SLC6A15: variants seen among roughly 807,000 people sequenced by gnomAD.
SLC6A15 encodes the protein sodium-dependent neutral amino acid transporter B(0)AT2.
In SLC6A15, 33 loss-of-function variants were observed where a neutral mutation model predicts 68.5. That is an observed-to-expected ratio of 0.48 (90% CI 0.37 to 0.64). The LOEUF is 0.64. Among genes scored for constraint, SLC6A15 ranks in the 30% least tolerant of loss-of-function variants. SLC6A15 has a pLI of 0.00. For missense variants in SLC6A15, 747 were observed against 874.3 expected (o/e 0.85, Z 1.84); for synonymous variants, 347 against 301.0 (o/e 1.15, Z -1.58).
intron 1 of SLC6A15, among the ~76,000 whole-genome samples, chr12:84,905,964 T>C (rs1873129976): frequency 6.6e-6 from 1 of 152,226 alleles, no homozygotes; most frequent in Non-Finnish European, 1.5e-5. Context: ...TCCATACTTA[T>C]TTTTTGGTCA....
intron 4 of SLC6A15, 120 bp from the exon 5 acceptor site, chr12:84,884,160 T>G (rs903003681): frequency 4.2e-6 from 3 of 718,442 alleles, no homozygotes; most frequent in Non-Finnish European, 4.6e-6. Flanking sequence ...TACCATTGTA[T>G]AGCAGCATGT....
chr12:84,859,933 G>A lies in SLC6A15; in HGVS notation c.*1699C>T, dbSNP rs1289615433. The A allele has an allele frequency of 6.6e-6, 1 of 151,984 alleles. No individual in the cohort carries two copies. The highest frequency in any genetic ancestry group is 2.4e-5 in the African/African-American group (1 of 41,414). The allele number at this position is 151,984 out of a possible 1,614,324, so 9.4% of individuals were successfully genotyped here. ...TTGCCTTTAAAGATGGAGAATGGAT[G>A]GCCAGGAGAAATGTTGGATGAGAAC... On this transcript the variant is annotated 3_prime_UTR_variant, in exon 12 of 12. Coordinates refer to ENST00000266682, the MANE Select transcript of SLC6A15 (RefSeq NM_182767.6).
At chr12:84,882,461 A>C (rs1871864744) in intron 5 of SLC6A15, 1 of 952,358 alleles carries the variant, frequency 1.1e-6, no homozygotes, top group South Asian at 4.9e-5. Flanking sequence ...TCAGGAAGAT[A>C]AATGTAAAAT....
At position 84,891,995 on chromosome 12, in the gene SLC6A15, A is replaced by G. The variant is rs748317802; in HGVS notation, c.126T>C (p.Asp42=). Residue 42 remains aspartate, a synonymous_variant, in exon 2 of 12, where the codon GAT becomes GAC. Transcript: ENST00000266682. ...CATCTGTATCTTTCTCTTCCTGGCC[A>G]TCAACAATTAGTTCACTTGTCTTAA... ...DAFKTSELIV[D]GQEEKDTDVE... is the part of the protein sequence containing the mutation. 8 of 1,614,100 alleles carry G rather than the reference A, an allele frequency of 5.0e-6. No homozygotes were observed. The Admixed American group carries it at 1.0e-4, about 20-fold the overall frequency.
At chr12:84,886,294 T>C (rs1176709768) in intron 2 of SLC6A15, among the ~76,000 whole-genome samples, 2 of 152,118 alleles carry the variant, frequency 1.3e-5, no homozygotes, top group Admixed American at 1.3e-4. Flanking sequence ...AAATTAAGAA[T>C]ATTAATGAAT....
intron 2 of SLC6A15, among the ~76,000 whole-genome samples, chr12:84,888,098 G>GA (rs1565728252): frequency 1.2e-4 from 18 of 144,908 alleles, no homozygotes; most frequent in African/African-American, 4.4e-4. Context: ...AAAAAACAAA[G>GA]GAAAAAAAAA....
chr12:84,882,992 G>A lies in SLC6A15; in HGVS notation c.756+867C>T, dbSNP rs564846626. 18 of 982,346 alleles carry A rather than the reference G, an allele frequency of 1.8e-5. No individual in the cohort carries two copies. In the South Asian group the frequency reaches 7.1e-4, roughly 39 times the overall value. 60.9% of individuals were successfully genotyped at this position (982,346 alleles called of 1,614,324 possible). ...ACTATTGCCATTCCTGCTAGTATAT[G>A]ATGATGAGTGGTAATAAGTTAGCCT... On this transcript the variant is annotated intron_variant, in intron 5 of 11. Coordinates refer to ENST00000266682, the MANE Select transcript of SLC6A15 (RefSeq NM_182767.6).
intron 4 of SLC6A15, 138 bp from the exon 5 acceptor site, chr12:84,884,178 C>A: frequency 1.5e-6 from 1 of 669,060 alleles, no homozygotes. Context: ...TGTAAATTCA[C>A]AATGAACAAT....
chr12:84,873,103 C>T lies in SLC6A15; in HGVS notation c.1093G>A (p.Glu365Lys). Residue 365 changes from glutamate (E) to lysine (K), a missense_variant, in exon 7 of 12, where the codon GAG (glutamate) becomes AAG (lysine). Physicochemically the swap from Glu to Lys is moderately conservative, Grantham distance 56. Transcript: ENST00000266682. ...TATTCATACTGTGTAATGCATTTCT[C>T]ATTTATGACATTTGCTTTGAAGCCC... ...VLGFKANVIN[E>K]KCITQNSETI... 1 of 1,614,024 alleles carries T rather than the reference C, an allele frequency of 6.2e-7. No individual in the cohort carries two copies. The highest frequency in any genetic ancestry group is 1.1e-5 in the South Asian group (1 of 91,038).
intron 10 of SLC6A15, among the ~76,000 whole-genome samples, chr12:84,866,322 CA>C (rs1279906395): frequency 6.6e-6 from 1 of 152,130 alleles, no homozygotes; most frequent in Non-Finnish European, 1.5e-5. Context: ...ATTTCAAATA[CA>C]TACACTTTTC....
chr12:84,861,716 A>G lies in SLC6A15; in HGVS notation c.2109T>C (p.Thr703=). ...NIYRKQSGSP[T]LDTAPNGRYG... is the part of the protein sequence containing the mutation. ...ACCGTCCATTGGGAGCAGTATCCAG[A>G]GTTGGGGATCCACTCTGTTTTCGAT... Residue 703 remains threonine, a synonymous_variant, in exon 12 of 12, where the codon ACT becomes ACC. Coordinates refer to ENST00000266682, the MANE Select transcript of SLC6A15 (RefSeq NM_182767.6). The G allele has an allele frequency of 1.9e-6, 3 of 1,613,962 alleles. No homozygotes were observed. The highest frequency in any genetic ancestry group is 1.7e-6 in the Non-Finnish European group (2 of 1,179,912).
In SLC6A15 at chr12:84,892,202, T is replaced by A; in HGVS notation, c.-82A>T. The A allele has an allele frequency of 1.5e-6, 2 of 1,303,110 alleles. No homozygotes were observed. Among genetic ancestry groups the A allele is most frequent in the South Asian group, 3.0e-5 (2 of 67,186 alleles). 80.7% of individuals were successfully genotyped at this position (1,303,110 alleles called of 1,614,324 possible). ...GTTAACTCTATTTTTCAAAACAATG[T>A]TACTTGATAGGAAGTAAAGACCGAG... On this transcript the variant is annotated 5_prime_UTR_variant, in exon 2 of 12. Transcript: ENST00000266682.
chr12:84,874,220 G>A (rs1871414473), intron 6 of SLC6A15, among the ~76,000 whole-genome samples: 4 of 152,118 alleles, frequency 2.6e-5, no homozygotes, highest in Admixed American at 2.6e-4. Context: ...CTGCCATTTA[G>A]TAATTTTAAA....
intron 1 of SLC6A15, among the ~76,000 whole-genome samples, chr12:84,902,928 G>A (rs992986088): frequency 6.6e-6 from 1 of 151,928 alleles, no homozygotes; most frequent in East Asian, 1.9e-4. Context: ...TCTTCATTGT[G>A]GTAAGGGATA....
intron 1 of SLC6A15, among the ~76,000 whole-genome samples, chr12:84,908,333 C>T (rs1441024966): frequency 6.6e-6 from 1 of 151,764 alleles, no homozygotes; most frequent in African/African-American, 2.4e-5. Context: ...GAATCAAGTA[C>T]TAAATATGCT....
At position 84,861,545 on chromosome 12, in the gene SLC6A15, G is replaced by A. The variant is rs757774231; in HGVS notation, c.*87C>T. On this transcript the variant is annotated 3_prime_UTR_variant, in exon 12 of 12. Transcript: ENST00000266682. ...CACGGAACACCTGAGATTGCCCTCT[G>A]ATAAGTGAAGCCTAATGCTTCTCCT... The A allele has an allele frequency of 1.3e-5, 19 of 1,452,000 alleles. No homozygotes were observed. The highest frequency in any genetic ancestry group is 1.8e-5 in the Non-Finnish European group (19 of 1,077,170). The allele number at this position is 1,452,000 out of a possible 1,614,324, so 89.9% of individuals were successfully genotyped here. A position where few individuals can be genotyped will look rare whatever the true frequency, so the allele number is the denominator to read the frequency against.
rs1028072901 is a variant in SLC6A15, at chr12:84,860,903, G to A, written c.*729C>T. The A allele has an allele frequency of 2.6e-5, 4 of 152,072 alleles. No individual in the cohort carries two copies. The highest frequency in any genetic ancestry group is 5.9e-5 in the Non-Finnish European group (4 of 67,988). The allele number at this position is 152,072 out of a possible 1,614,324, so 9.4% of individuals were successfully genotyped here. On this transcript the variant is annotated 3_prime_UTR_variant, in exon 12 of 12. Transcript: ENST00000266682. ...GTAGGTTTTTAGGCACACGGCATAA[G>A]AAAAATGCAGAATCTGCATAATTCT...
intron 5 of SLC6A15, among the ~76,000 whole-genome samples, chr12:84,879,898 T>G (rs1871742874): frequency 6.6e-6 from 1 of 152,150 alleles, no homozygotes; most frequent in South Asian, 2.1e-4. Context: ...TGAGAGAGGA[T>G]TTACAGGAAT....
At chr12:84,894,253 T>A (rs1174186814) in intron 1 of SLC6A15, among the ~76,000 whole-genome samples, 7 of 152,148 alleles carry the variant, frequency 4.6e-5, no homozygotes, top group African/African-American at 1.7e-4. Context: ...TTGTAAGACA[T>A]GAATTATCCA....
Sources: allele counts gnomAD v4.1 joint callset (sites outside exome capture counted in the v4.1 genomes callset), GRCh38; gene constraint gnomAD v4.1.1; transcripts MANE v1.5; gene names NCBI Gene and HGNC (gene_info 2026-07-23, HGNC 2026-07-21).